Variants in METTL15 observed in about 807,000 individuals in gnomAD.
METTL15 encodes the protein 12S rRNA N(4)-cytidine methyltransferase METTL15.
In METTL15, 34 loss-of-function variants were observed where a neutral mutation model predicts 38.3. That is an observed-to-expected ratio of 0.89 (90% CI 0.68 to 1.18). The LOEUF is 1.18. Among genes scored for constraint, METTL15 ranks in the 50% most tolerant of loss-of-function variants. The pLI, the probability that METTL15 is intolerant of heterozygous loss-of-function variation, is 0.00. For synonymous variants in METTL15, 162 were observed against 170.9 expected (o/e 0.95, Z 0.41); for missense variants, 438 against 498.4 (o/e 0.88, Z 1.15).
At chr11:28,447,086 C>T (rs1483993808) in intron 6 of METTL15, among the ~76,000 whole-genome samples, 1 of 152,102 alleles carries the variant, frequency 6.6e-6, no homozygotes, top group African/African-American at 2.4e-5. Flanking sequence ...TTCCACCACT[C>T]ACCTCTTTAA....
At chr11:28,167,013 A>G (rs1850682223) in intron 3 of METTL15, among the ~76,000 whole-genome samples, 1 of 152,166 alleles carries the variant, frequency 6.6e-6, no homozygotes, top group Non-Finnish European at 1.5e-5. Flanking sequence ...TATATCCGGC[A>G]CTTCTGACCT....
chr11:28,476,582 T>C (rs1851348436), intron 6 of METTL15, among the ~76,000 whole-genome samples: 1 of 152,212 alleles, frequency 6.6e-6, no homozygotes, highest in African/African-American at 2.4e-5. Context: ...CTTCCTACTG[T>C]TCTAAACAGG....
chr11:28,318,205 G>T (rs776950535), intron 6 of METTL15, among the ~76,000 whole-genome samples: 5 of 152,064 alleles, frequency 3.3e-5, no homozygotes, highest in Non-Finnish European at 5.9e-5. Context: ...GGACTGGAAG[G>T]GTATCCCTTA....
chr11:28,434,154 A>G (rs1431771972), intron 6 of METTL15, among the ~76,000 whole-genome samples: 3 of 152,062 alleles, frequency 2.0e-5, no homozygotes, highest in Non-Finnish European at 4.4e-5. Flanking sequence ...TGTGATAGTG[A>G]GTTAGTTCTC....
intron 6 of METTL15, among the ~76,000 whole-genome samples, chr11:28,524,337 A>G (rs1288643794): frequency 1.3e-5 from 2 of 152,226 alleles, no homozygotes; most frequent in African/African-American, 2.4e-5. Flanking sequence ...ACCCAAGTCT[A>G]TGACTTCACT....
At chr11:28,252,564 T>G (rs1215616468) in intron 4 of METTL15, among the ~76,000 whole-genome samples, 1 of 152,184 alleles carries the variant, frequency 6.6e-6, no homozygotes, top group African/African-American at 2.4e-5. Flanking sequence ...AAGTATCTCT[T>G]TTTTAAAGAA....
At chr11:28,403,951 TG>T (rs1189063755) in intron 5 of METTL15, among the ~76,000 whole-genome samples, 1 of 152,056 alleles carries the variant, frequency 6.6e-6, no homozygotes, top group Non-Finnish European at 1.5e-5. Flanking sequence ...TGATTTCTGC[TG>T]TTATACATTC....
At chr11:28,465,188 A>G (rs1851246843) in intron 6 of METTL15, among the ~76,000 whole-genome samples, 3 of 152,068 alleles carry the variant, frequency 2.0e-5, no homozygotes, top group Non-Finnish European at 4.4e-5. Context: ...TTTCAACGGT[A>G]ATGACCACTT....
At chr11:28,319,530 A>G (rs1849388714) in intron 6 of METTL15, among the ~76,000 whole-genome samples, 1 of 152,106 alleles carries the variant, frequency 6.6e-6, no homozygotes, top group East Asian at 1.9e-4. Context: ...GTCAAATAAG[A>G]CTACTTACAA....
chr11:28,423,265 C>T (rs1850836770), intron 5 of METTL15, among the ~76,000 whole-genome samples: 1 of 151,982 alleles, frequency 6.6e-6, no homozygotes, highest in Non-Finnish European at 1.5e-5. Context: ...ATTAGTACAA[C>T]CACTATGGAG....
chr11:28,130,497 G>C (rs1852717091), intron 3 of METTL15, among the ~76,000 whole-genome samples: 1 of 151,990 alleles, frequency 6.6e-6, no homozygotes, highest in Non-Finnish European at 1.5e-5. Flanking sequence ...AATTAGAGAA[G>C]GGAAAACACA....
At chr11:28,474,724 A>G (rs1412541460) in intron 6 of METTL15, among the ~76,000 whole-genome samples, 1 of 152,210 alleles carries the variant, frequency 6.6e-6, no homozygotes, top group Non-Finnish European at 1.5e-5. Flanking sequence ...AAATGTCCAT[A>G]TTTGGTTTGA....
At chr11:28,396,942 G>C (rs534112190) in intron 5 of METTL15, among the ~76,000 whole-genome samples, 2 of 149,878 alleles carry the variant, frequency 1.3e-5, no homozygotes, top group African/African-American at 2.5e-5. Context: ...TACCACACAT[G>C]TACAACCATC....
chr11:28,224,219 AT>A (rs891877568), intron 4 of METTL15, among the ~76,000 whole-genome samples: 2 of 150,982 alleles, frequency 1.3e-5, no homozygotes, highest in African/African-American at 2.4e-5. Context: ...TCCTGTTTGA[AT>A]TTTTTTTTGG....
At chr11:28,166,821 T>C (rs529648884) in intron 3 of METTL15, among the ~76,000 whole-genome samples, 1 of 152,234 alleles carries the variant, frequency 6.6e-6, no homozygotes, top group South Asian at 2.1e-4. Context: ...TGGTAGTGAA[T>C]GCCTGTAGTC....
At chr11:28,154,552 T>C (rs1317376076) in intron 3 of METTL15, among the ~76,000 whole-genome samples, 11 of 152,132 alleles carry the variant, frequency 7.2e-5, no homozygotes, top group Admixed American at 2.0e-4. Flanking sequence ...GAAAAATATA[T>C]AAATTTTGTT....
intron 4 of METTL15, among the ~76,000 whole-genome samples, chr11:28,355,535 T>C (rs1850083572): frequency 6.6e-6 from 1 of 152,208 alleles, no homozygotes; most frequent in Non-Finnish European, 1.5e-5. Flanking sequence ...ATCCATGTAT[T>C]TAACCAACCA....
chr11:28,210,935 G>A lies in METTL15; in HGVS notation c.271-127G>A, dbSNP rs979342839. On this transcript the variant is annotated intron_variant, in intron 3 of 6. Coordinates refer to ENST00000407364, the MANE Select transcript of METTL15 (RefSeq NM_001113528.2). ...TAACAAATTCAACTATAGGCACAAC[G>A]ATTGTAATTATTTTCCTATTTACTG... The A allele has an allele frequency of 4.3e-5, 43 of 994,624 alleles. No homozygotes were observed. The African/African-American group carries it at 6.0e-4, about 14-fold the overall frequency. 61.6% of individuals were successfully genotyped at this position (994,624 alleles called of 1,614,324 possible).
intron 6 of METTL15, among the ~76,000 whole-genome samples, chr11:28,426,476 T>A (rs1850865362): frequency 6.6e-6 from 1 of 152,162 alleles, no homozygotes; most frequent in Non-Finnish European, 1.5e-5. Context: ...TATTTCTGCC[T>A]CTGTCTTTGA....
Sources: gnomAD v4.1 joint callset for allele counts (sites outside exome capture counted in the v4.1 genomes callset) on GRCh38, gnomAD v4.1.1 for gene constraint, MANE v1.5 for transcripts, NCBI Gene and HGNC (gene_info 2026-07-23, HGNC 2026-07-21) for gene names.